The following CSMD3 variants were observed in gnomAD, a reference collection of about 807,000 sequenced individuals.
CSMD3 encodes CUB and Sushi multiple domains 3, also known as CUB and sushi domain-containing protein 3.
A neutral mutation model predicts 435.2 loss-of-function variants in CSMD3; 177 were observed. The observed-to-expected ratio is 0.41, with a 90% CI of 0.36 to 0.46. The LOEUF is 0.46. Ranked by LOEUF, CSMD3 falls within the 20% of genes least tolerant of loss-of-function variation. The probability of loss-of-function intolerance (pLI) is 0.34; values close to 1 mark genes in which losing one functional copy is unlikely to be tolerated. For missense variants in CSMD3, 4,265 were observed against 4,504.6 expected, an observed-to-expected ratio of 0.95 and a Z score of 1.52; for synonymous variants, 1,656 against 1,520.5, an observed-to-expected ratio of 1.09 and a Z score of -2.07.
At chr8:113,281,599 T>C (rs1185221340) in intron 2 of CSMD3, among the ~76,000 whole-genome samples, 1 of 151,880 alleles carries the variant, frequency 6.6e-6, no homozygotes, top group Non-Finnish European at 1.5e-5. Context: ...GGTTGGTGAG[T>C]TCTTACTCAT....
intron 7 of CSMD3, among the ~76,000 whole-genome samples, chr8:112,965,826 G>C: frequency 6.6e-6 from 1 of 151,770 alleles, no homozygotes; most frequent in East Asian, 1.9e-4. Context: ...ATATAAAAAT[G>C]TATTTACTGT....
At chr8:112,714,551 A>C (rs1051902318) in intron 13 of CSMD3, among the ~76,000 whole-genome samples, 32 of 152,218 alleles carry the variant, frequency 2.1e-4, no homozygotes, top group African/African-American at 7.5e-4. Flanking sequence ...TCAGGACTTG[A>C]AAGCAGCTCT....
At chr8:113,163,051 C>T (rs2131841497) in intron 4 of CSMD3, among the ~76,000 whole-genome samples, 1 of 152,154 alleles carries the variant, frequency 6.6e-6, no homozygotes, top group Non-Finnish European at 1.5e-5. Context: ...TAGCTATTGA[C>T]CTCTTCTCCA....
Position 112,978,455 on chromosome 8 carries a change from A to G in CSMD3, c.1031-2307T>C, listed in dbSNP as rs145304721. 6.6e-3 allele frequency among the ~76,000 whole-genome samples: 1,008 copies of G among 152,056 alleles called. 12 individuals are homozygous for G. The highest frequency in any genetic ancestry group is 0.023 in the African/African-American group (966 of 41,518). On this transcript the variant is annotated intron_variant, in intron 6 of 70. Transcript: ENST00000297405. Reference sequence around the variant, plus strand: ...AAACACTCACTTTCTTGAAGACCTCAGGGGAGAAACACAGTTCCAGACCAA... The same window carrying G: ...AAACACTCACTTTCTTGAAGACCTCGGGGGAGAAACACAGTTCCAGACCAA...
intron 56 of CSMD3, 43 bp from the exon 57 acceptor site, chr8:112,289,581 C>T (rs974684031): frequency 7.8e-6 from 10 of 1,288,820 alleles, no homozygotes; most frequent in Admixed American, 2.0e-5. Flanking sequence ...TTTATATCTC[C>T]TATCGAACAA....
intron 13 of CSMD3, among the ~76,000 whole-genome samples, chr8:112,742,190 T>A (rs781775824): frequency 2.6e-5 from 4 of 151,988 alleles, no homozygotes; most frequent in Non-Finnish European, 4.4e-5. Flanking sequence ...GAATCTGGAC[T>A]GCTAGTAATT....
chr8:112,442,254 C>T (rs919254024), intron 32 of CSMD3, among the ~76,000 whole-genome samples: 1 of 152,086 alleles, frequency 6.6e-6, no homozygotes, highest in Non-Finnish European at 1.5e-5. Flanking sequence ...AGGGATCCAT[C>T]CCCATGACCC....
At chr8:113,418,790 AG>A (rs1260260576) in intron 1 of CSMD3, among the ~76,000 whole-genome samples, 13 of 152,220 alleles carry the variant, frequency 8.5e-5, no homozygotes, top group Non-Finnish European at 1.6e-4. Flanking sequence ...ACTTGTTTCA[AG>A]AACAATAACA....
intron 6 of CSMD3, among the ~76,000 whole-genome samples, chr8:113,001,605 T>C (rs2085867164): frequency 6.6e-6 from 1 of 152,128 alleles, no homozygotes; most frequent in Admixed American, 6.6e-5. Flanking sequence ...TTTTCCTTTA[T>C]AGCAGGTTTT....
chr8:112,374,937 T>A (rs1159228598), intron 38 of CSMD3, among the ~76,000 whole-genome samples: 1 of 152,178 alleles, frequency 6.6e-6, no homozygotes, highest in East Asian at 1.9e-4. Flanking sequence ...AAGCATCGCT[T>A]TGCGAACATT....
chr8:112,913,694 CCTT>C (rs529099887), intron 10 of CSMD3, among the ~76,000 whole-genome samples: 10 of 150,718 alleles, frequency 6.6e-5, no homozygotes, highest in Non-Finnish European at 1.2e-4. Flanking sequence ...CTCTCTCTCT[CCTT>C]CTTTCTCTCT....
chr8:113,183,049 C>A (rs184102268), intron 3 of CSMD3, among the ~76,000 whole-genome samples: 1 of 152,116 alleles, frequency 6.6e-6, no homozygotes, highest in East Asian at 1.9e-4. Flanking sequence ...ATAGATCCTG[C>A]CGGACAGAGA....
In CSMD3 at chr8:112,568,573, A is replaced by G. The variant is rs1382643897; in HGVS notation, c.4042+4928T>C. ...AGAGCAAGGCACTGAAAAAAAAAAAAGAAAAGAAAAGAAAAAAGAAAAAGA... is the reference window on the plus strand; with the variant it reads ...AGAGCAAGGCACTGAAAAAAAAAAAGGAAAAGAAAAGAAAAAAGAAAAAGA... On this transcript the variant is annotated intron_variant, in intron 24 of 70. Coordinates refer to ENST00000297405, the MANE Select transcript of CSMD3 (RefSeq NM_198123.2). 2.0e-5 allele frequency among the ~76,000 whole-genome samples: 3 copies of G among 151,772 alleles called. No individual in the cohort carries two copies. The East Asian group carries it at 5.8e-4, about 29-fold the overall frequency.
At chr8:112,778,054 A>C (rs1012559689) in intron 13 of CSMD3, among the ~76,000 whole-genome samples, 6 of 151,824 alleles carry the variant, frequency 4.0e-5, no homozygotes, top group Non-Finnish European at 7.4e-5. Context: ...AAAAATCAAT[A>C]ATCTTTGTTT....
intron 23 of CSMD3, among the ~76,000 whole-genome samples, chr8:112,576,403 T>C (rs2131312870): frequency 6.6e-6 from 1 of 152,178 alleles, no homozygotes; most frequent in Non-Finnish European, 1.5e-5. Flanking sequence ...TTAGGTGCTG[T>C]AACTAAAATT....
At chr8:112,584,864 G>A (rs192851324) in intron 23 of CSMD3, among the ~76,000 whole-genome samples, 1 of 151,666 alleles carries the variant, frequency 6.6e-6, no homozygotes, top group Non-Finnish European at 1.5e-5. Context: ...ACTGGAGATG[G>A]GGATTAACTT....
chr8:112,358,996 T>C (rs1370423525), intron 38 of CSMD3, among the ~76,000 whole-genome samples: 2 of 152,160 alleles, frequency 1.3e-5, no homozygotes, highest in Admixed American at 6.6e-5. Flanking sequence ...TTTCTGAAAA[T>C]GATTCATTGA....
Position 112,905,321 on chromosome 8 carries a change from T to TATACACACAC in CSMD3, c.1633+16305_1633+16306insGTGTGTGTAT, listed in dbSNP as rs5894119. Among the ~76,000 whole-genome samples the TATACACACAC allele has an allele frequency of 5.3e-3, 774 of 145,668 alleles. 12 individuals are homozygous for TATACACACAC. Among genetic ancestry groups the TATACACACAC allele is most frequent in the African/African-American group, 0.019 (749 of 39,236 alleles). ...TATACTATGTGTATATATATATATA[T>TATACACACAC]ACACACACACACACACACATATATA... On this transcript the variant is annotated intron_variant, in intron 10 of 70. Coordinates refer to ENST00000297405, the MANE Select transcript of CSMD3 (RefSeq NM_198123.2).
chr8:113,100,156 C>T (rs2090286705), intron 4 of CSMD3, among the ~76,000 whole-genome samples: 1 of 151,936 alleles, frequency 6.6e-6, no homozygotes, highest in Admixed American at 6.6e-5. Flanking sequence ...ATCCATTTAC[C>T]TCCATAATCT....
Sources: allele counts gnomAD v4.1 joint callset (sites outside exome capture counted in the v4.1 genomes callset), GRCh38; gene constraint gnomAD v4.1.1; transcripts MANE v1.5; gene names NCBI Gene and HGNC (gene_info 2026-07-23, HGNC 2026-07-21).